Variants in PREP observed in about 807,000 individuals in gnomAD.
PREP encodes the protein dJ355L5.1 (prolyl endopeptidase).
PREP carries 29 observed loss-of-function variants against 87.6 expected under a neutral mutation model. That is an observed-to-expected ratio of 0.33 (90% CI 0.25 to 0.45). The LOEUF is 0.45. Among genes scored for constraint, PREP ranks in the 20% least tolerant of loss-of-function variants. The pLI is 1.00. For missense variants in PREP, 695 were observed against 886.5 expected (o/e 0.78, Z 2.74); for synonymous variants, 337 against 328.6 (o/e 1.03, Z -0.28).
intron 6 of PREP, among the ~76,000 whole-genome samples, chr6:105,355,670 T>C (rs1257271157): frequency 6.6e-6 from 1 of 152,214 alleles, no homozygotes; most frequent in Non-Finnish European, 1.5e-5. Context: ...CACTTGTGTC[T>C]CATGTATATA....
At chr6:105,386,142 C>T (rs72939754) in intron 2 of PREP, among the ~76,000 whole-genome samples, 15,321 of 152,140 alleles carry the variant, frequency 0.1, 824 homozygotes, top group Middle Eastern at 0.18. Context: ...AAAAAACCAA[C>T]ATGACCAATG....
chr6:105,390,525 A>C (rs1232049249), intron 2 of PREP, among the ~76,000 whole-genome samples: 3 of 152,226 alleles, frequency 2.0e-5, no homozygotes, highest in African/African-American at 7.2e-5. Context: ...GCTCCAGGAC[A>C]GTTCTGTGAA....
At position 105,402,695 on chromosome 6, in the gene PREP, C is replaced by A. The variant is rs964769486; in HGVS notation, c.45+152G>T. 9 of 662,556 alleles carry A rather than the reference C, an allele frequency of 1.4e-5. No homozygotes were observed. In the Admixed American group the frequency reaches 2.0e-4, roughly 15 times the overall value. 41.0% of individuals were successfully genotyped at this position (662,556 alleles called of 1,614,324 possible). ...CCCAGCGCTGCAGAGGAGCCCCGCG[C>A]CCCCGGCCCAATTCTCCCAAACAAA... On this transcript the variant is annotated intron_variant, in intron 1 of 14. Coordinates refer to ENST00000652536, the MANE Select transcript of PREP (RefSeq NM_002726.5).
chr6:105,290,234 G>T (rs1770273379), intron 10 of PREP, among the ~76,000 whole-genome samples: 1 of 152,144 alleles, frequency 6.6e-6, no homozygotes, highest in South Asian at 2.1e-4. Context: ...GTAACTGTGT[G>T]GGTAGGTACA....
chr6:105,285,624 T>C lies in PREP; in HGVS notation c.1455-44A>G, dbSNP rs187067665. ...AGTTAACCTTCCATTAACTGCCTAG[T>C]GAAGACCATGCCCTCTCTCTCCATC... On this transcript the variant is annotated intron_variant, in intron 11 of 14. Coordinates refer to ENST00000652536, the MANE Select transcript of PREP (RefSeq NM_002726.5). The C allele has an allele frequency of 3.5e-4, 525 of 1,486,404 alleles. 5 individuals are homozygous for C. The African/African-American group carries it at 6.4e-3, about 18-fold the overall frequency. The allele number at this position is 1,486,404 out of a possible 1,614,324, so 92.1% of individuals were successfully genotyped here.
In PREP at chr6:105,285,487, T is replaced by G. The variant is rs746803162; in HGVS notation, c.1548A>C (p.Lys516Asn). The G allele has an allele frequency of 1.2e-6, 2 of 1,611,890 alleles. No homozygotes were observed. The highest frequency in any genetic ancestry group is 2.2e-5 in the South Asian group (2 of 91,042). Residue 516 changes from lysine (K) to asparagine (N), a missense_variant and splice_region_variant, in exon 12 of 15, where the codon AAA (lysine) becomes AAC (asparagine). Around this residue, in one of 5 missense-constraint regions of PREP, gnomAD observed 35 missense variants for 36.0 expected, o/e 0.97. Coordinates refer to ENST00000652536, the MANE Select transcript of PREP (RefSeq NM_002726.5). ...GTTTCTGTAGAGAAAACACCTCACCTTTATGCCACGTCTCTCCATATTCGC... is the reference window on the plus strand; with the variant it reads ...GTTTCTGTAGAGAAAACACCTCACCGTTATGCCACGTCTCTCCATATTCGC... Reference protein sequence around the residue: ...GGGEYGETWHKGGILANKQNC... With the variant: ...GGGEYGETWHNGGILANKQNC...
At position 105,273,686 on chromosome 6, in the gene PREP, T is replaced by A. The variant is rs948448034; in HGVS notation, c.*4458A>T. On this transcript the variant is annotated 3_prime_UTR_variant, in exon 15 of 15. Transcript: ENST00000652536. The stretch of plus-strand genomic sequence containing the variant: ...CACCCCGCTTTTCCCTAGGCTCTCC[T>A]GCTGTCAGTTTCCCACAGTGTTGTC... The A allele has an allele frequency of 3.9e-5, 6 of 152,372 alleles. No individual in the cohort carries two copies. The highest frequency in any genetic ancestry group is 1.4e-4 in the African/African-American group (6 of 41,460). The allele number at this position is 152,372 out of a possible 1,614,324, so 9.4% of individuals were successfully genotyped here. A position where few individuals can be genotyped will look rare whatever the true frequency, so the allele number is the denominator to read the frequency against.
Position 105,344,461 on chromosome 6 carries a change from C to T in PREP, c.823+8511G>A, listed in dbSNP as rs559960797. The stretch of plus-strand genomic sequence containing the variant: ...AAGCCGAGATCGTGCCACTGCACTC[C>T]AGCCTGGGAGATAGAGTGAGACTCC... On this transcript the variant is annotated intron_variant, in intron 7 of 14. Transcript: ENST00000652536. Among the ~76,000 whole-genome samples the T allele has an allele frequency of 2.7e-5, 4 of 147,796 alleles. No homozygotes were observed. The East Asian group carries it at 6.0e-4, about 22-fold the overall frequency.
At chr6:105,388,462 A>C (rs867298468) in intron 2 of PREP, among the ~76,000 whole-genome samples, 48 of 147,008 alleles carry the variant, frequency 3.3e-4, no homozygotes, top group African/African-American at 1.2e-3. Context: ...ACCGTATTAC[A>C]GAAAGCAAGA....
chr6:105,398,187 C>T (rs1428911382), intron 1 of PREP, among the ~76,000 whole-genome samples: 2 of 152,104 alleles, frequency 1.3e-5, no homozygotes, highest in Non-Finnish European at 1.5e-5. Context: ...TCTGTCCCTA[C>T]AACACAAAAC....
intron 6 of PREP, 65 bp from the exon 7 acceptor site, chr6:105,353,142 A>T: frequency 7.7e-7 from 1 of 1,296,290 alleles, no homozygotes; most frequent in Non-Finnish European, 1.1e-6. Flanking sequence ...AACATTATTG[A>T]ATATTAAGTT....
chr6:105,341,277 T>C (rs542279194), intron 7 of PREP, among the ~76,000 whole-genome samples: 84 of 152,230 alleles, frequency 5.5e-4, no homozygotes, highest in African/African-American at 1.9e-3. Context: ...CAACCTGCTC[T>C]TCAATGACTA....
chr6:105,392,612 T>TGTCACCTA (rs1207651383), intron 2 of PREP, among the ~76,000 whole-genome samples: 1 of 152,206 alleles, frequency 6.6e-6, no homozygotes, highest in Non-Finnish European at 1.5e-5. Flanking sequence ...AGTCTCGTTC[T>TGTCACCTA]GTCACCTAGG....
At chr6:105,392,224 C>T (rs569406129) in intron 2 of PREP, among the ~76,000 whole-genome samples, 1 of 151,852 alleles carries the variant, frequency 6.6e-6, no homozygotes, top group Non-Finnish European at 1.5e-5. Flanking sequence ...ATTTTTAGTA[C>T]AGATGGGGTT....
At chr6:105,353,178 G>T in intron 6 of PREP, 101 bp from the exon 7 acceptor site, 1 of 905,152 alleles carries the variant, frequency 1.1e-6, no homozygotes, top group African/African-American at 1.7e-5. Context: ...ATTTTCAAAG[G>T]CAGTGTCTCT....
intron 2 of PREP, among the ~76,000 whole-genome samples, chr6:105,379,741 TTGTG>T (rs917746256): frequency 1.3e-5 from 2 of 152,200 alleles, no homozygotes; most frequent in African/African-American, 4.8e-5. Flanking sequence ...AACACAAATC[TTGTG>T]TGTGTGTTTA....
intron 2 of PREP, among the ~76,000 whole-genome samples, chr6:105,390,665 C>T (rs1163980526): frequency 6.6e-6 from 1 of 152,122 alleles, no homozygotes; most frequent in Non-Finnish European, 1.5e-5. Flanking sequence ...GGTGAAGACA[C>T]AATAAGATGG....
At chr6:105,305,491 G>A (rs943971466) in intron 10 of PREP, among the ~76,000 whole-genome samples, 5 of 152,070 alleles carry the variant, frequency 3.3e-5, no homozygotes, top group Admixed American at 6.5e-5. Flanking sequence ...AACTAGAGGC[G>A]TAGAGGCGGT....
chr6:105,337,806 C>T (rs1771519059), intron 7 of PREP, among the ~76,000 whole-genome samples: 1 of 152,150 alleles, frequency 6.6e-6, no homozygotes, highest in South Asian at 2.1e-4. Context: ...TCAGAGTATA[C>T]AAGCTGTCAA....
Sources: gnomAD v4.1 joint callset for allele counts (sites outside exome capture counted in the v4.1 genomes callset) on GRCh38, gnomAD v4.1.1 for gene constraint, gnomAD v4.1.1 regional missense constraint, MANE v1.5 for transcripts, NCBI Gene and HGNC (gene_info 2026-07-23, HGNC 2026-07-21) for gene names.